Variants in TXNRD1 observed in about 807,000 individuals in gnomAD.
The protein encoded by TXNRD1 is thioredoxin reductase 1.
In TXNRD1, 57 loss-of-function variants were observed where a neutral mutation model predicts 80.3. The observed-to-expected ratio is 0.71, with a 90% CI of 0.57 to 0.89. The LOEUF (loss-of-function observed/expected upper bound fraction) is 0.89. TXNRD1 is among the 40% of genes least tolerant of loss of function. The pLI, the probability that TXNRD1 is intolerant of heterozygous loss-of-function variation, is 0.00. For synonymous variants in TXNRD1, 291 were observed against 285.2 expected, an observed-to-expected ratio of 1.02 and a Z score of -0.20; for missense variants, 730 against 803.0, an observed-to-expected ratio of 0.91 and a Z score of 1.10.
intron 16 of TXNRD1, among the ~76,000 whole-genome samples, chr12:104,339,993 C>T (rs553384018): frequency 3.3e-5 from 5 of 152,360 alleles, no homozygotes; most frequent in Admixed American, 2.6e-4. Flanking sequence ...CATCCAGCAG[C>T]TCCATGACTG....
intron 16 of TXNRD1, among the ~76,000 whole-genome samples, chr12:104,348,099 T>C (rs2036551194): frequency 6.6e-6 from 1 of 152,236 alleles, no homozygotes; most frequent in Non-Finnish European, 1.5e-5. Flanking sequence ...TCTGTTTTAA[T>C]CATCCTCATG....
chr12:104,319,323 C>T (rs979568238), intron 8 of TXNRD1, 147 bp from the exon 9 acceptor site: 22 of 679,950 alleles, frequency 3.2e-5, no homozygotes, highest in African/African-American at 2.2e-4. Context: ...GTTAACTACT[C>T]AGTCTTAATT....
chr12:104,254,614 A>G lies in TXNRD1; in HGVS notation c.243+2936A>G, dbSNP rs2033198562. Among the ~76,000 whole-genome samples, 4 of 111,218 alleles carry G rather than the reference A, an allele frequency of 3.6e-5. No homozygotes were observed. In the South Asian group the frequency reaches 1.4e-3, roughly 38 times the overall value. 73.0% of individuals were successfully genotyped at this position (111,218 alleles called of 152,430 possible). A position where few individuals can be genotyped will look rare whatever the true frequency, so the allele number is the denominator to read the frequency against. On this transcript the variant is annotated intron_variant, in intron 2 of 16. Transcript: ENST00000525566. ...CGAGACCAGTCTGGGCAGCATAACA[A>G]GACTCTATGTCTATGGAAAAAAAAA...
At chr12:104,327,742 G>C in intron 13 of TXNRD1, 71 bp downstream of exon 13, 2 of 1,519,836 alleles carry the variant, frequency 1.3e-6, no homozygotes. Flanking sequence ...TTAGGGGGCA[G>C]TTGGGAAGTT....
intron 4 of TXNRD1, chr12:104,304,589 A>G (rs763171334): frequency 1.9e-6 from 3 of 1,614,020 alleles, no homozygotes; most frequent in South Asian, 1.1e-5. Flanking sequence ...AGCGACAGAA[A>G]AAAACGTAGA....
intron 2 of TXNRD1, among the ~76,000 whole-genome samples, chr12:104,257,360 A>G (rs1002566011): frequency 4.0e-5 from 6 of 150,036 alleles, no homozygotes; most frequent in African/African-American, 1.5e-4. Context: ...TATTTTTCCC[A>G]GGTTTGCCAC....
At chr12:104,345,921 G>A (rs757442220) in intron 16 of TXNRD1, 3 of 1,272,270 alleles carry the variant, frequency 2.4e-6, no homozygotes, top group South Asian at 1.2e-5. Context: ...GGAAGGGCAT[G>A]GAGGCTGCCC....
chr12:104,347,363 T>G (rs2036526911), intron 16 of TXNRD1, among the ~76,000 whole-genome samples: 1 of 152,204 alleles, frequency 6.6e-6, no homozygotes. Context: ...CAAAACTGTT[T>G]TCCCCCTTAT....
intron 2 of TXNRD1, among the ~76,000 whole-genome samples, chr12:104,255,649 C>T (rs750282535): frequency 1.3e-5 from 2 of 152,042 alleles, no homozygotes; most frequent in Admixed American, 6.6e-5. Flanking sequence ...AAAAATTAGC[C>T]GGGCTTGGTG....
At chr12:104,253,483 A>G (rs145887058) in intron 2 of TXNRD1, among the ~76,000 whole-genome samples, 42 of 152,264 alleles carry the variant, frequency 2.8e-4, no homozygotes, top group African/African-American at 9.4e-4. Flanking sequence ...TAAATTCTAC[A>G]TGATTGGACA....
intron 1 of TXNRD1, among the ~76,000 whole-genome samples, chr12:104,226,542 C>G (rs892234577): frequency 6.6e-6 from 1 of 152,168 alleles, no homozygotes; most frequent in African/African-American, 2.4e-5. Flanking sequence ...TAGATTATGG[C>G]TCCACAAGTC....
chr12:104,267,044 G>A (rs1040176359), intron 3 of TXNRD1, among the ~76,000 whole-genome samples: 6 of 150,174 alleles, frequency 4.0e-5, no homozygotes. Context: ...GCGGGCACCT[G>A]TAGTCCAGCT....
chr12:104,310,955 C>A (rs2035111738), intron 4 of TXNRD1, among the ~76,000 whole-genome samples: 1 of 152,148 alleles, frequency 6.6e-6, no homozygotes, highest in Admixed American at 6.5e-5. Flanking sequence ...ATTTACCAAG[C>A]CCCTATCTTT....
intron 15 of TXNRD1, among the ~76,000 whole-genome samples, chr12:104,337,247 A>G (rs2036169804): frequency 6.6e-6 from 1 of 151,984 alleles, no homozygotes; most frequent in African/African-American, 2.4e-5. Context: ...CAGGGCGAAT[A>G]TGTGTAAGAG....
At chr12:104,266,951 G>C (rs2135718834) in intron 3 of TXNRD1, among the ~76,000 whole-genome samples, 1 of 151,874 alleles carries the variant, frequency 6.6e-6, no homozygotes, top group Admixed American at 6.6e-5. Context: ...GACAGAGCGA[G>C]ACTCCGTCTC....
At chr12:104,300,208 C>T (rs560619113) in intron 4 of TXNRD1, among the ~76,000 whole-genome samples, 1 of 152,140 alleles carries the variant, frequency 6.6e-6, no homozygotes, top group Non-Finnish European at 1.5e-5. Flanking sequence ...TTGGAATTAA[C>T]CTAAACTCCT....
At chr12:104,229,842 C>T (rs925308943) in intron 1 of TXNRD1, among the ~76,000 whole-genome samples, 5 of 151,866 alleles carry the variant, frequency 3.3e-5, no homozygotes, top group East Asian at 1.9e-4. Context: ...CCACCTGCCT[C>T]GGCCTCTCAA....
At chr12:104,246,067 C>T (rs1467367709) in intron 1 of TXNRD1, among the ~76,000 whole-genome samples, 2 of 143,392 alleles carry the variant, frequency 1.4e-5, no homozygotes, top group African/African-American at 5.2e-5. Context: ...GAGCTGAGAT[C>T]GCGCCGCTGC....
intron 16 of TXNRD1, among the ~76,000 whole-genome samples, chr12:104,341,887 G>A (rs907324091): frequency 2.0e-5 from 3 of 152,184 alleles, no homozygotes; most frequent in African/African-American, 7.2e-5. Context: ...TAAATTGCTA[G>A]CATGGCTCAC....
Sources: gnomAD v4.1 joint callset for allele counts (sites outside exome capture counted in the v4.1 genomes callset) on GRCh38, gnomAD v4.1.1 for gene constraint, MANE v1.5 for transcripts, NCBI Gene and HGNC (gene_info 2026-07-23, HGNC 2026-07-21) for gene names.